ITGB5: variants seen among roughly 807,000 people sequenced by gnomAD.
ITGB5 encodes integrin beta-5.
In ITGB5, 38 loss-of-function variants were observed where a neutral mutation model predicts 84.8. That is an observed-to-expected ratio of 0.45 (90% CI 0.35 to 0.59). ITGB5 has a LOEUF of 0.59. ITGB5 is among the 20% of genes least tolerant of loss of function. The pLI, the probability that ITGB5 is intolerant of heterozygous loss-of-function variation, is 0.01. For synonymous variants in ITGB5, 393 were observed against 414.4 expected (o/e 0.95, Z 0.63); for missense variants, 905 against 1,034.5 (o/e 0.87, Z 1.72).
intron 4 of ITGB5, among the ~76,000 whole-genome samples, chr3:124,843,753 G>A (rs764891939): frequency 1.7e-4 from 26 of 152,268 alleles, no homozygotes; most frequent in East Asian, 7.7e-4. Context: ...ACGTTCTGGG[G>A]TCATGCCAGG....
chr3:124,778,693 A>T (rs774517145), intron 10 of ITGB5, among the ~76,000 whole-genome samples: 3 of 152,180 alleles, frequency 2.0e-5, no homozygotes, highest in Non-Finnish European at 4.4e-5. Context: ...TGCAGATGGG[A>T]TACATTTGAG....
At chr3:124,809,433 G>T (rs2107537839) in intron 8 of ITGB5, 1 of 355,956 alleles carries the variant, frequency 2.8e-6, no homozygotes, top group African/African-American at 2.0e-5. Context: ...GCTTCAAACG[G>T]GTTATGCCCC....
At chr3:124,795,213 C>T (rs994281306) in intron 10 of ITGB5, among the ~76,000 whole-genome samples, 26 of 151,650 alleles carry the variant, frequency 1.7e-4, no homozygotes, top group Non-Finnish European at 2.6e-4. Flanking sequence ...AATTCTGGGC[C>T]GGGCACAGTG....
At position 124,783,312 on chromosome 3, in the gene ITGB5, A is replaced by AAGAG. The variant is rs1220165092; in HGVS notation, c.1694-9404_1694-9401dup. 5.7e-3 allele frequency among the ~76,000 whole-genome samples: 845 copies of AAGAG among 147,412 alleles called. 8 individuals are homozygous for AAGAG. Among genetic ancestry groups the AAGAG allele is most frequent in the South Asian group, 0.018 (82 of 4,578 alleles). On this transcript the variant is annotated intron_variant, in intron 10 of 14. Coordinates refer to ENST00000296181, the MANE Select transcript of ITGB5 (RefSeq NM_002213.5). ...TCTCAAAAAAAAAAAAAAAAAAAAA[A>AAGAG]AGAGAGAGAGAGAGATTAAACAGAC...
At chr3:124,773,949 C>T in intron 10 of ITGB5, 37 bp from the exon 11 acceptor site, 1 of 1,569,308 alleles carries the variant, frequency 6.4e-7, no homozygotes, top group African/African-American at 1.4e-5. Context: ...CACCTGCTCA[C>T]CTTTACACAT....
At chr3:124,798,042 G>A (rs1029015801) in intron 9 of ITGB5, among the ~76,000 whole-genome samples, 15 of 121,630 alleles carry the variant, frequency 1.2e-4, no homozygotes, top group African/African-American at 3.2e-4. Context: ...CTATTCTTTC[G>A]GCTAGAATAA....
intron 12 of ITGB5, among the ~76,000 whole-genome samples, chr3:124,766,712 C>T (rs1226506321): frequency 1.3e-5 from 2 of 152,228 alleles, no homozygotes; most frequent in Non-Finnish European, 2.9e-5. Context: ...ACCATCCCAG[C>T]CCCCTTTGAG....
chr3:124,851,147 G>T (rs1003278027), intron 3 of ITGB5, among the ~76,000 whole-genome samples: 2 of 152,180 alleles, frequency 1.3e-5, no homozygotes, highest in African/African-American at 4.8e-5. Flanking sequence ...GATTCCGGGA[G>T]GCTGAGAGGC....
In ITGB5 at chr3:124,796,433, A is replaced by T; in HGVS notation, c.1648T>A (p.Cys550Ser). 2 of 1,614,020 alleles carry T rather than the reference A, an allele frequency of 1.2e-6. No individual in the cohort carries two copies. Among genetic ancestry groups the T allele is most frequent in the Admixed American group, 3.3e-5 (2 of 60,022 alleles). The change falls in exon 10 of 15, where the codon TGC becomes AGC. Residue 550 changes from cysteine to serine, a missense_variant. Coordinates refer to ENST00000296181, the MANE Select transcript of ITGB5 (RefSeq NM_002213.5). ...FGKIYGPFCE[C>S]DNFSCARNKG... Reference sequence around the variant, plus strand: ...TTCCTGGCACAGGAGAAGTTGTCGCACTCACAGAAAGGCCCATAGATCTTG... The same window carrying T: ...TTCCTGGCACAGGAGAAGTTGTCGCTCTCACAGAAAGGCCCATAGATCTTG...
chr3:124,849,203 A>C (rs377333893), intron 3 of ITGB5, among the ~76,000 whole-genome samples: 2 of 152,210 alleles, frequency 1.3e-5, no homozygotes, highest in East Asian at 3.8e-4. Flanking sequence ...ATGAACACAA[A>C]CTGGGTGGAG....
At chr3:124,901,390 C>A (rs1935210529) in exon 1 of ITGB5, 1 of 151,228 alleles carries the variant, frequency 6.6e-6, no homozygotes, top group Non-Finnish European at 1.5e-5. Context: ...GACTCTGTCT[C>A]GATAAAAAGA....
At chr3:124,859,688 G>A (rs2065269785) in intron 2 of ITGB5, among the ~76,000 whole-genome samples, 1 of 152,142 alleles carries the variant, frequency 6.6e-6, no homozygotes, top group African/African-American at 2.4e-5. Flanking sequence ...AAAATGTTCG[G>A]TTTTGTTGTT....
At chr3:124,850,171 C>T (rs1383573887) in intron 3 of ITGB5, among the ~76,000 whole-genome samples, 5 of 152,032 alleles carry the variant, frequency 3.3e-5, no homozygotes, top group African/African-American at 1.2e-4. Flanking sequence ...CTCCTCCTCC[C>T]ACCGTGACAA....
At chr3:124,821,804 G>A (rs537493648) in intron 5 of ITGB5, among the ~76,000 whole-genome samples, 1 of 152,116 alleles carries the variant, frequency 6.6e-6, no homozygotes, top group Non-Finnish European at 1.5e-5. Flanking sequence ...TGCTCCTCCT[G>A]GATGCTTCCC....
intron 9 of ITGB5, 57 bp downstream of exon 9, chr3:124,808,965 C>A: frequency 6.4e-7 from 1 of 1,573,970 alleles, no homozygotes. Context: ...TTATTAGAAC[C>A]CAAAGACTGA....
At chr3:124,900,346 A>G (rs1935191853) in intron 1 of ITGB5, among the ~76,000 whole-genome samples, 2 of 152,208 alleles carry the variant, frequency 1.3e-5, no homozygotes, top group South Asian at 4.1e-4. Context: ...AAAGGGGTTA[A>G]TATGTGTGAG....
chr3:124,814,443 A>AT (rs2064554429), intron 8 of ITGB5, among the ~76,000 whole-genome samples: 1 of 150,642 alleles, frequency 6.6e-6, no homozygotes. Flanking sequence ...TATGTTAATT[A>AT]TATGTCAATA....
chr3:124,856,860 C>T (rs1332995279), intron 3 of ITGB5, among the ~76,000 whole-genome samples: 2 of 152,228 alleles, frequency 1.3e-5, no homozygotes, highest in African/African-American at 2.4e-5. Flanking sequence ...CATCTGCCCA[C>T]ATAAGTGCTC....
intron 1 of ITGB5, chr3:124,901,208 A>G (rs1270350095): frequency 1.3e-5 from 2 of 152,252 alleles, no homozygotes; most frequent in Admixed American, 6.5e-5. Flanking sequence ...CTTGGCCAAC[A>G]TGGTGAAACC....
Sources: allele counts gnomAD v4.1 joint callset (sites outside exome capture counted in the v4.1 genomes callset), GRCh38; gene constraint gnomAD v4.1.1; transcripts MANE v1.5; gene names NCBI Gene and HGNC (gene_info 2026-07-23, HGNC 2026-07-21).